NOCT: variants seen among roughly 807,000 people sequenced by gnomAD.
The protein encoded by NOCT is CCR4 carbon catabolite repression 4-like.
A neutral mutation model predicts 35.0 loss-of-function variants in NOCT; 18 were observed. That is an observed-to-expected ratio of 0.51 (90% CI 0.36 to 0.76). The LOEUF is 0.76. Among genes scored for constraint, NOCT ranks in the 30% least tolerant of loss-of-function variants. NOCT has a pLI of 0.01. For missense variants in NOCT, 479 were observed against 541.0 expected (o/e 0.89, Z 1.14); for synonymous variants, 235 against 226.3 (o/e 1.04, Z -0.34).
chr4:139,043,100 A>G lies in NOCT; in HGVS notation c.217A>G (p.Arg73Gly). ...GTGTTCCATGGGAACCGGTACAAGC[A>G]GACTCTATAGTGCTCTCGCCAAGAC... is the stretch of plus-strand genomic sequence containing the variant. Reference protein sequence around the residue: ...TVCSMGTGTSRLYSALAKTLN... With the variant: ...TVCSMGTGTSGLYSALAKTLN... The change falls in exon 2 of 3, where the codon AGA becomes GGA. Residue 73 changes from arginine to glycine, a missense_variant. Physicochemically the swap from Arg to Gly is moderately radical, Grantham distance 125. Around this residue, in one of 2 missense-constraint regions of NOCT, gnomAD observed 265 missense variants for 257.0 expected, o/e 1.03. Transcript: ENST00000280614. The G allele has an allele frequency of 1.2e-6, 2 of 1,605,388 alleles. No homozygotes were observed. The highest frequency in any genetic ancestry group is 1.3e-5 in the African/African-American group (1 of 74,846).
At chr4:139,041,636 C>T (rs1439390087) in intron 1 of NOCT, among the ~76,000 whole-genome samples, 1 of 152,150 alleles carries the variant, frequency 6.6e-6, no homozygotes, top group Non-Finnish European at 1.5e-5. Flanking sequence ...AAAATTAACT[C>T]GGGAAGACAA....
intron 1 of NOCT, among the ~76,000 whole-genome samples, chr4:139,036,602 T>A (rs151024008): frequency 6.6e-6 from 1 of 152,354 alleles, no homozygotes; most frequent in East Asian, 1.9e-4. Context: ...CCCTAGTGAT[T>A]CTGCATAGTT....
intron 1 of NOCT, among the ~76,000 whole-genome samples, chr4:139,039,449 T>C (rs1726795525): frequency 6.6e-6 from 1 of 152,040 alleles, no homozygotes; most frequent in Non-Finnish European, 1.5e-5. Flanking sequence ...TTTTTCAATA[T>C]CTACTTTTTA....
rs758344722 is a variant in NOCT at position 139,016,191 on chromosome 4, G to C, written c.190+20G>C. ...GAACAGGTGAGTGCACCCCAGTTCC[G>C]GGCGGAGAACGCCACGGCCGCCAAC... On this transcript the variant is annotated intron_variant, in intron 1 of 2. Transcript: ENST00000280614. 1.1e-4 allele frequency: 130 copies of C among 1,231,830 alleles called. No homozygotes were observed. In the African/African-American group the frequency reaches 1.9e-3, roughly 18 times the overall value. 76.3% of individuals were successfully genotyped at this position (1,231,830 alleles called of 1,614,324 possible). A position where few individuals can be genotyped will look rare whatever the true frequency, so the allele number is the denominator to read the frequency against.
chr4:139,024,867 A>G (rs968129823), intron 1 of NOCT, among the ~76,000 whole-genome samples: 1 of 152,174 alleles, frequency 6.6e-6, no homozygotes, highest in African/African-American at 2.4e-5. Flanking sequence ...GCATCCCAGA[A>G]TACTGGCATT....
chr4:139,035,398 A>ATG (rs1726712449), intron 1 of NOCT, among the ~76,000 whole-genome samples: 2 of 151,954 alleles, frequency 1.3e-5, no homozygotes, highest in African/African-American at 2.4e-5. Context: ...GGCCTCCCAA[A>ATG]GTGTTTTGAT....
chr4:139,017,488 AAAGTG>A (rs1726335122), intron 1 of NOCT, among the ~76,000 whole-genome samples: 1 of 150,842 alleles, frequency 6.6e-6, no homozygotes, highest in Non-Finnish European at 1.5e-5. Flanking sequence ...TTGGCCTCCC[AAAGTG>A]CTGGGATTAC....
rs1441053409 is a variant in NOCT, at chr4:139,043,109, A to G, written c.226A>G (p.Ser76Gly). Reference protein sequence around the residue: ...SMGTGTSRLYSALAKTLNSSA... With the variant: ...SMGTGTSRLYGALAKTLNSSA... ...GGGAACCGGTACAAGCAGACTCTAT[A>G]GTGCTCTCGCCAAGACACTGAACAG... The change falls in exon 2 of 3, where the codon AGT becomes GGT. Residue 76 changes from serine (S) to glycine (G), a missense_variant. This residue lies in a region of NOCT where 265 missense variants were observed against 257.0 expected (regional missense o/e 1.03). Coordinates refer to ENST00000280614, the MANE Select transcript of NOCT (RefSeq NM_012118.4). 2 of 1,613,270 alleles carry G rather than the reference A, an allele frequency of 1.2e-6. No individual in the cohort carries two copies. Among genetic ancestry groups the G allele is most frequent in the Admixed American group, 1.7e-5 (1 of 59,988 alleles).
At chr4:139,020,626 C>T (rs142536332) in intron 1 of NOCT, among the ~76,000 whole-genome samples, 4 of 152,024 alleles carry the variant, frequency 2.6e-5, no homozygotes, top group Non-Finnish European at 4.4e-5. Flanking sequence ...TGGAGAAGCC[C>T]GGTGGAGTGC....
chr4:139,038,668 A>G (rs888937881), intron 1 of NOCT, among the ~76,000 whole-genome samples: 9 of 152,318 alleles, frequency 5.9e-5, no homozygotes, highest in Middle Eastern at 3.4e-3. Context: ...TATGATTGCT[A>G]CTATGAAACT....
intron 1 of NOCT, among the ~76,000 whole-genome samples, chr4:139,024,045 C>CTT (rs368349308): frequency 0.011 from 1,407 of 130,834 alleles, 22 homozygotes; most frequent in African/African-American, 0.026. Flanking sequence ...TCTATTCATC[C>CTT]TTTTTTTTTT....
intron 1 of NOCT, among the ~76,000 whole-genome samples, chr4:139,018,970 T>C (rs1036276629): frequency 6.6e-6 from 1 of 152,122 alleles, no homozygotes; most frequent in Non-Finnish European, 1.5e-5. Flanking sequence ...TGAGGAAGGG[T>C]GAGAGAAGAG....
Position 139,045,099 on chromosome 4 carries a change from C to T in NOCT, c.921C>T (p.Asn307=), listed in dbSNP as rs145515684. 6.2e-7 allele frequency: 1 copy of T among 1,614,202 alleles called. No homozygotes were observed. The highest frequency in any genetic ancestry group is 1.1e-5 in the South Asian group (1 of 91,084). The change falls in exon 3 of 3, where the codon AAC becomes AAT. Residue 307 remains asparagine, a synonymous_variant. Coordinates refer to ENST00000280614, the MANE Select transcript of NOCT (RefSeq NM_012118.4). ...RSAQGCDLLQ[N]LQNITQGAKI... is the part of the protein sequence containing the mutation. ...CTCAAGGCTGTGACCTCCTTCAGAA[C>T]CTGCAAAACATCACCCAAGGAGCCA... is the stretch of plus-strand genomic sequence containing the variant.
In NOCT at chr4:139,045,183, A is replaced by G. The variant is rs1432603139; in HGVS notation, c.1005A>G (p.Lys335=). The G allele has an allele frequency of 1.2e-6, 2 of 1,614,146 alleles. No individual in the cohort carries two copies. Among genetic ancestry groups the G allele is most frequent in the South Asian group, 1.1e-5 (1 of 91,074 alleles). Residue 335 remains lysine (K), a synonymous_variant, in exon 3 of 3, where the codon AAA becomes AAG. Coordinates refer to ENST00000280614, the MANE Select transcript of NOCT (RefSeq NM_012118.4). ...FNAEPTEEVY[K]HFASSSLNLN... The stretch of plus-strand genomic sequence containing the variant: ...CAGAGCCAACAGAAGAGGTCTACAA[A>G]CACTTTGCTTCCTCCAGCCTCAACC...
intron 2 of NOCT, among the ~76,000 whole-genome samples, chr4:139,044,314 A>C (rs1014955138): frequency 1.3e-5 from 2 of 152,216 alleles, no homozygotes; most frequent in Non-Finnish European, 2.9e-5. Context: ...AAAACCAAAA[A>C]AATTTTAAAA....
intron 1 of NOCT, among the ~76,000 whole-genome samples, chr4:139,033,844 C>T (rs1726669795): frequency 6.6e-6 from 1 of 151,920 alleles, no homozygotes; most frequent in African/African-American, 2.4e-5. Flanking sequence ...AGGTGATCCT[C>T]CTGCCCTAGC....
intron 1 of NOCT, among the ~76,000 whole-genome samples, chr4:139,028,573 T>C (rs1444264869): frequency 6.6e-6 from 1 of 152,218 alleles, no homozygotes; most frequent in Non-Finnish European, 1.5e-5. Flanking sequence ...CTTTCTGGCC[T>C]GAAGAATGGG....
At chr4:139,030,067 T>C (rs1488646472) in intron 1 of NOCT, among the ~76,000 whole-genome samples, 1 of 152,080 alleles carries the variant, frequency 6.6e-6, no homozygotes, top group African/African-American at 2.4e-5. Flanking sequence ...TTTTTTTGTA[T>C]TTTTAGTAGA....
intron 1 of NOCT, among the ~76,000 whole-genome samples, chr4:139,038,400 G>A (rs192795309): frequency 3.9e-5 from 6 of 152,014 alleles, no homozygotes; most frequent in Non-Finnish European, 5.9e-5. Context: ...GAGGATCTCA[G>A]GCCAAATAAG....
Sources: gnomAD v4.1 joint callset for allele counts (sites outside exome capture counted in the v4.1 genomes callset) on GRCh38, gnomAD v4.1.1 for gene constraint, gnomAD v4.1.1 regional missense constraint, MANE v1.5 for transcripts, NCBI Gene and HGNC (gene_info 2026-07-23, HGNC 2026-07-21) for gene names.